The following PTPRF variants were observed in gnomAD, a reference collection of about 807,000 sequenced individuals.
PTPRF encodes protein tyrosine phosphatase receptor type F.
PTPRF carries 59 observed loss-of-function variants against 201.8 expected under a neutral mutation model. The observed-to-expected ratio is 0.29, with a 90% CI of 0.24 to 0.36. PTPRF has a LOEUF of 0.36. Among genes scored for constraint, PTPRF ranks in the 10% least tolerant of loss-of-function variants. The pLI is 1.00. For missense variants in PTPRF, 2,132 were observed against 2,690.5 expected, an observed-to-expected ratio of 0.79 and a Z score of 4.59; for synonymous variants, 1,088 against 1,089.7, an observed-to-expected ratio of 1.00 and a Z score of 0.03.
At chr1:43,617,654 A>G in intron 24 of PTPRF, 82 bp from the exon 25 acceptor site, 1 of 1,602,922 alleles carries the variant, frequency 6.2e-7, no homozygotes, top group Non-Finnish European at 8.5e-7. Context: ...GATGTCCACG[A>G]GTCTCAGGGG....
At chr1:43,582,127 T>C (rs1455986297) in intron 7 of PTPRF, among the ~76,000 whole-genome samples, 1 of 152,212 alleles carries the variant, frequency 6.6e-6, no homozygotes, top group African/African-American at 2.4e-5. Context: ...ACATCTCCCT[T>C]CTGTCCCCCA....
At chr1:43,607,080 C>G (rs1435472064) in intron 21 of PTPRF, 112 bp downstream of exon 21, 10 of 1,412,294 alleles carry the variant, frequency 7.1e-6, no homozygotes, top group African/African-American at 5.6e-5. Context: ...GGACCCTGAG[C>G]CTCAGGCTCA....
At position 43,619,758 on chromosome 1, in the gene PTPRF, G is replaced by A; in HGVS notation, c.5011G>A (p.Val1671Met). ...LPCNKFKNRLVNIMPYELTRV... is the reference protein window; with the variant it reads ...LPCNKFKNRLMNIMPYELTRV... ...CTGCAACAAGTTCAAGAACCGGCTG[G>A]TGAACATCATGCCCTACGAATTGAC... Residue 1671 changes from valine (V) to methionine (M), a missense_variant, in exon 29 of 34, where the codon GTG becomes ATG. Val to Met is a conservative substitution (Grantham distance 21). This residue lies in a region of PTPRF where 519 missense variants were observed against 659.5 expected (regional missense o/e 0.79). Coordinates refer to ENST00000359947, the MANE Select transcript of PTPRF (RefSeq NM_002840.5). The A allele has an allele frequency of 1.9e-6, 3 of 1,614,258 alleles. No homozygotes were observed. The highest frequency in any genetic ancestry group is 2.5e-6 in the Non-Finnish European group (3 of 1,180,034).
chr1:43,526,128 A>C (rs1275043232), upstream of PTPRF, among the ~76,000 whole-genome samples: 1 of 152,212 alleles, frequency 6.6e-6, no homozygotes, highest in Non-Finnish European at 1.5e-5. Context: ...CAGGGGAGAC[A>C]GAGCGGAAGG....
rs1253960522 is a variant in PTPRF at position 43,609,403 on chromosome 1, C to T, written c.3878C>T (p.Ser1293Phe). ...TCTAGGAAAAGGACCCACTCTCCGT[C>T]CTCTAAGGATGAGCAGTCGATCGGA... Reference protein sequence around the residue: ...LFKRKRTHSPSSKDEQSIGLK... With the variant: ...LFKRKRTHSPFSKDEQSIGLK... Residue 1293 changes from serine (S) to phenylalanine (F), a missense_variant, in exon 22 of 34, where the codon TCC becomes TTC. Ser to Phe is a radical substitution (Grantham distance 155). This residue lies in a region of PTPRF where 818 missense variants were observed against 915.3 expected (regional missense o/e 0.89). Transcript: ENST00000359947. 6 of 1,613,922 alleles carry T rather than the reference C, an allele frequency of 3.7e-6. No homozygotes were observed. The highest frequency in any genetic ancestry group is 1.7e-5 in the Admixed American group (1 of 59,998).
chr1:43,569,210 T>C (rs927467626), intron 5 of PTPRF, among the ~76,000 whole-genome samples: 2 of 146,426 alleles, frequency 1.4e-5, no homozygotes, highest in Non-Finnish European at 3.0e-5. Context: ...CTGCGCGAGC[T>C]CCCTGCTAGC....
upstream of PTPRF, among the ~76,000 whole-genome samples, chr1:43,528,390 C>T (rs142952526): frequency 8.3e-4 from 127 of 152,132 alleles, 1 homozygote; most frequent in East Asian, 0.024. Flanking sequence ...GGGGTTTCAC[C>T]ATGTTGGCCA....
At chr1:43,575,004 C>G (rs1646829000) in intron 6 of PTPRF, among the ~76,000 whole-genome samples, 1 of 152,236 alleles carries the variant, frequency 6.6e-6, no homozygotes, top group Non-Finnish European at 1.5e-5. Flanking sequence ...TTTCTGCACA[C>G]TTCCCAATCC....
At chr1:43,601,287 A>G (rs1274318973) in intron 13 of PTPRF, among the ~76,000 whole-genome samples, 2 of 152,166 alleles carry the variant, frequency 1.3e-5, no homozygotes, top group East Asian at 3.9e-4. Flanking sequence ...CCACCTGTCC[A>G]TCTAGAATAT....
intron 1 of PTPRF, among the ~76,000 whole-genome samples, chr1:43,531,401 C>A (rs1416869793): frequency 3.9e-4 from 53 of 137,014 alleles, no homozygotes; most frequent in African/African-American, 1.3e-3. Flanking sequence ...CGCAGCCCGC[C>A]CCCCCCACCC....
upstream of PTPRF, chr1:43,525,344 T>G (rs1172614296): frequency 6.6e-6 from 1 of 152,250 alleles, no homozygotes; most frequent in Non-Finnish European, 1.5e-5. Context: ...CCTTCAAGGG[T>G]CGGCCATTGT....
At chr1:43,525,804 CAAAAAAAAAAAA>C (rs1179056466), upstream of PTPRF, among the ~76,000 whole-genome samples, 4 of 35,566 alleles carry the variant, frequency 1.1e-4, no homozygotes, top group African/African-American at 4.9e-4. Context: ...GACTCAGTCT[CAAAAAAAAAAAA>C]AAAAAAAAAA....
chr1:43,581,308 C>G (rs183221190), intron 7 of PTPRF, among the ~76,000 whole-genome samples: 30 of 152,354 alleles, frequency 2.0e-4, no homozygotes, highest in African/African-American at 7.2e-4. Flanking sequence ...TCCAGCCCCA[C>G]TTGCCAGGGA....
At chr1:43,565,673 A>C (rs1463955583) in intron 5 of PTPRF, among the ~76,000 whole-genome samples, 1 of 151,754 alleles carries the variant, frequency 6.6e-6, no homozygotes, top group Admixed American at 6.5e-5. Context: ...CCCTCCCCGC[A>C]CTGTGCAGGG....
Position 43,569,754 on chromosome 1 carries a change from G to A in PTPRF, c.544G>A (p.Gly182Ser), listed in dbSNP as rs773693327. The stretch of plus-strand genomic sequence containing the variant: ...TCCTGTAGACCCTGCCACGAGCAAC[G>A]GCCGCATCAAGCAGCTGCGTTCAGG... ...FLPVDPATSN[G>S]RIKQLRSGAL... The change falls in exon 6 of 34, where the codon GGC becomes AGC. Residue 182 changes from glycine (G) to serine (S), a missense_variant. Physicochemically the swap from Gly to Ser is moderately conservative, Grantham distance 56 (BLOSUM62 0). Transcript: ENST00000359947. 58 of 1,612,474 alleles carry A rather than the reference G, an allele frequency of 3.6e-5. No homozygotes were observed. In the Admixed American group the frequency reaches 4.3e-4, roughly 12 times the overall value.
intron 3 of PTPRF, among the ~76,000 whole-genome samples, chr1:43,547,891 C>T (rs1644783797): frequency 6.6e-6 from 1 of 152,162 alleles, no homozygotes; most frequent in Non-Finnish European, 1.5e-5. Flanking sequence ...GGTTGTGGGG[C>T]CAGAGGTGTC....
At chr1:43,584,710 T>C (rs1461039739) in intron 7 of PTPRF, among the ~76,000 whole-genome samples, 1 of 152,266 alleles carries the variant, frequency 6.6e-6, no homozygotes, top group African/African-American at 2.4e-5. Flanking sequence ...TACTTAAAAC[T>C]GTGTGCCGGG....
intron 31 of PTPRF, 48 bp from the exon 32 acceptor site, chr1:43,620,790 C>A: frequency 6.3e-7 from 1 of 1,582,238 alleles, no homozygotes; most frequent in South Asian, 1.2e-5. Flanking sequence ...AGAGGGGTGG[C>A]TGCCTAAGGC....
At chr1:43,522,438 G>A (rs1455805858), upstream of PTPRF, among the ~76,000 whole-genome samples, 1 of 152,160 alleles carries the variant, frequency 6.6e-6, no homozygotes, top group East Asian at 1.9e-4. Context: ...GATAACAATA[G>A]CTAACATTTA....
Sources: allele counts gnomAD v4.1 joint callset (sites outside exome capture counted in the v4.1 genomes callset), GRCh38; gene constraint gnomAD v4.1.1; regional missense constraint gnomAD v4.1.1; transcripts MANE v1.5; gene names NCBI Gene and HGNC (gene_info 2026-07-23, HGNC 2026-07-21).